GALNT18: variants seen among roughly 807,000 people sequenced by gnomAD.
GALNT18 encodes polypeptide N-acetylgalactosaminyltransferase 18, also known as GalNAc-transferase 18.
In GALNT18, 44 loss-of-function variants were observed where a neutral mutation model predicts 69.5. That is an observed-to-expected ratio of 0.63 (90% CI 0.50 to 0.81). The LOEUF (loss-of-function observed/expected upper bound fraction) is 0.81. GALNT18 is among the 40% of genes least tolerant of loss of function. The pLI is 0.00. For synonymous variants in GALNT18, 364 were observed against 318.2 expected (o/e 1.14, Z -1.53); for missense variants, 715 against 810.0 (o/e 0.88, Z 1.42).
rs1235427884 is a variant in GALNT18 at position 11,332,527 on chromosome 11, G to A, written c.1416+167C>T. Among the ~76,000 whole-genome samples the A allele has an allele frequency of 6.6e-6, 1 of 152,198 alleles. No individual in the cohort carries two copies. Among genetic ancestry groups the A allele is most frequent in the Non-Finnish European group, 1.5e-5 (1 of 68,038 alleles). ...TCAAGGGACTGGAGGGGTTTGGGCT[G>A]TAAAAGTAAAGGCTGTCTTGCAGGT... On this transcript the variant is annotated intron_variant, in intron 8 of 10. Transcript: ENST00000227756. This position sits in a 1 kb window ranked among gnomAD's most constrained non-coding sequence, Gnocchi z 4.3.
intron 1 of GALNT18, among the ~76,000 whole-genome samples, chr11:11,588,185 C>T (rs1166020575): frequency 6.6e-6 from 1 of 152,190 alleles, no homozygotes; most frequent in East Asian, 1.9e-4. Flanking sequence ...CCTTCCCTCA[C>T]ACTTTCTTGT....
intron 1 of GALNT18, among the ~76,000 whole-genome samples, chr11:11,501,060 C>T (rs1856963559): frequency 6.6e-6 from 1 of 152,196 alleles, no homozygotes; most frequent in Admixed American, 6.5e-5. Context: ...TCTGAGACGC[C>T]CTCTCGTTTC....
At chr11:11,271,571 G>A (rs1445687275) in intron 10 of GALNT18, among the ~76,000 whole-genome samples, 2 of 103,990 alleles carry the variant, frequency 1.9e-5, no homozygotes, top group Admixed American at 1.1e-4. Flanking sequence ...CTGGGCTGTG[G>A]TACACCTGTT....
chr11:11,550,570 C>T (rs529996370), intron 1 of GALNT18, among the ~76,000 whole-genome samples: 51 of 152,140 alleles, frequency 3.4e-4, no homozygotes, highest in Non-Finnish European at 4.1e-4. Flanking sequence ...AAAGCATTTC[C>T]GAAGTTGTCC....
chr11:11,306,638 G>T (rs989225192), intron 9 of GALNT18, among the ~76,000 whole-genome samples: 4 of 152,078 alleles, frequency 2.6e-5, no homozygotes, highest in African/African-American at 9.7e-5. Flanking sequence ...TTCATATTGG[G>T]GATCCCTTTT....
chr11:11,509,536 T>C (rs1407320710), intron 1 of GALNT18, among the ~76,000 whole-genome samples: 3 of 152,244 alleles, frequency 2.0e-5, no homozygotes, highest in Non-Finnish European at 4.4e-5. Flanking sequence ...TAGCATCATG[T>C]GCTATGCATG....
intron 1 of GALNT18, among the ~76,000 whole-genome samples, chr11:11,458,671 C>A (rs1855973659): frequency 6.6e-6 from 1 of 152,250 alleles, no homozygotes; most frequent in African/African-American, 2.4e-5. Flanking sequence ...AGGACTCACA[C>A]CACCATGCAG....
At chr11:11,502,802 C>G (rs147922069) in intron 1 of GALNT18, among the ~76,000 whole-genome samples, 1 of 152,178 alleles carries the variant, frequency 6.6e-6, no homozygotes, top group African/African-American at 2.4e-5. Context: ...AGAGGCGTAG[C>G]GTATCCTCAG....
intron 10 of GALNT18, among the ~76,000 whole-genome samples, chr11:11,275,229 T>C (rs1224319493): frequency 1.3e-5 from 2 of 152,244 alleles, no homozygotes; most frequent in African/African-American, 4.8e-5. Context: ...TTTTTAATGA[T>C]CGCCATTCTA....
intron 1 of GALNT18, among the ~76,000 whole-genome samples, chr11:11,514,632 A>C (rs1346449153): frequency 1.3e-5 from 2 of 152,226 alleles, no homozygotes; most frequent in Non-Finnish European, 2.9e-5. Flanking sequence ...AAACTCAAGG[A>C]AACCATCAGT....
chr11:11,565,662 G>C (rs1858630884), intron 1 of GALNT18, among the ~76,000 whole-genome samples: 1 of 152,200 alleles, frequency 6.6e-6, no homozygotes, highest in Non-Finnish European at 1.5e-5. Flanking sequence ...TAGGCACCAA[G>C]GAGACACAGA....
rs1250072316 is a variant in GALNT18, at chr11:11,538,592, G to C, written c.235+82767C>G. Among the ~76,000 whole-genome samples the C allele has an allele frequency of 6.6e-6, 1 of 152,166 alleles. No individual in the cohort carries two copies. The highest frequency in any genetic ancestry group is 1.5e-5 in the Non-Finnish European group (1 of 68,046). ...GGAGCTCGCGGCACTCCTCTCAGGGGCCTCGTCAGCAGCTCCTATCTGGGG... is the reference window on the plus strand; with the variant it reads ...GGAGCTCGCGGCACTCCTCTCAGGGCCCTCGTCAGCAGCTCCTATCTGGGG... On this transcript the variant is annotated intron_variant, in intron 1 of 10. Transcript: ENST00000227756. This position sits in a 1 kb window ranked among gnomAD's most constrained non-coding sequence, Gnocchi z 5.2.
At chr11:11,567,990 G>A (rs1858694080) in intron 1 of GALNT18, among the ~76,000 whole-genome samples, 1 of 152,156 alleles carries the variant, frequency 6.6e-6, no homozygotes, top group Non-Finnish European at 1.5e-5. Flanking sequence ...ACTCACAAAG[G>A]CCTGGCCCCA....
chr11:11,430,058 T>TGAGCCTGG lies in GALNT18; in HGVS notation c.595+2555_595+2562dup, dbSNP rs1049562270. 4.6e-5 allele frequency among the ~76,000 whole-genome samples: 7 copies of TGAGCCTGG among 152,028 alleles called. No homozygotes were observed. The South Asian group carries it at 8.3e-4, about 18-fold the overall frequency. ...GGGAGGCTAAGATGGGAGGATTGCT[T>TGAGCCTGG]GAGCCTGGGAGCCTGGGAGCTGTGA... is the stretch of plus-strand genomic sequence containing the variant. On this transcript the variant is annotated intron_variant, in intron 3 of 10. Transcript: ENST00000227756. This position sits in a 1 kb window ranked among gnomAD's most constrained non-coding sequence, Gnocchi z 4.9.
At position 11,463,225 on chromosome 11, in the gene GALNT18, CAG is replaced by C. The variant is rs367803547; in HGVS notation, c.236-14291_236-14290del. Among the ~76,000 whole-genome samples, 2,277 of 64,550 alleles carry C rather than the reference CAG, an allele frequency of 0.035. 42 individuals carry two copies. Among genetic ancestry groups the C allele is most frequent in the African/African-American group, 0.086 (1,879 of 21,776 alleles). 42.3% of individuals were successfully genotyped at this position (64,550 alleles called of 152,430 possible). On this transcript the variant is annotated intron_variant, in intron 1 of 10. Transcript: ENST00000227756. The surrounding 1 kb of genome is among the most constrained non-coding windows in gnomAD (Gnocchi z 4.2). ...AGACAGACAGACACACACACACACA[CAG>C]AGAGAGAGAGAGAGAGTTCCAGAAG...
chr11:11,326,972 G>C, intron 9 of GALNT18, 114 bp downstream of exon 9: 1 of 751,164 alleles, frequency 1.3e-6, no homozygotes, highest in South Asian at 1.7e-5. Context: ...CCTGGTCCCA[G>C]AGCTGCCATG....
In GALNT18 at chr11:11,332,403, A is replaced by G. The variant is rs1290131285; in HGVS notation, c.1416+291T>C. On this transcript the variant is annotated intron_variant, in intron 8 of 10. Coordinates refer to ENST00000227756, the MANE Select transcript of GALNT18 (RefSeq NM_198516.3). This position sits in a 1 kb window ranked among gnomAD's most constrained non-coding sequence, Gnocchi z 4.3. The stretch of plus-strand genomic sequence containing the variant: ...GTTTGTTACCTTACCTTTTAATCTT[A>G]AGCTAACTGCTTTATTATGTGTTTT... Among the ~76,000 whole-genome samples, 1 of 152,066 alleles carries G rather than the reference A, an allele frequency of 6.6e-6. No individual in the cohort carries two copies. Among genetic ancestry groups the G allele is most frequent in the African/African-American group, 2.4e-5 (1 of 41,392 alleles).
chr11:11,610,097 G>T (rs1808040714), intron 1 of GALNT18, among the ~76,000 whole-genome samples: 1 of 152,176 alleles, frequency 6.6e-6, no homozygotes, highest in Admixed American at 6.5e-5. Flanking sequence ...TAGTCTTCCT[G>T]CCTCTCCAGG....
chr11:11,553,336 T>C (rs1179407200), intron 1 of GALNT18, among the ~76,000 whole-genome samples: 2 of 152,228 alleles, frequency 1.3e-5, no homozygotes, highest in African/African-American at 4.8e-5. Context: ...CCCATCTATG[T>C]ATACTTTGCC....
Sources: allele counts gnomAD v4.1 joint callset (sites outside exome capture counted in the v4.1 genomes callset), GRCh38; gene constraint gnomAD v4.1.1; non-coding constraint Gnocchi (gnomAD v3.1); transcripts MANE v1.5; gene names NCBI Gene and HGNC (gene_info 2026-07-23, HGNC 2026-07-21).